MYRIP: variants seen among roughly 807,000 people sequenced by gnomAD.
MYRIP encodes the protein myosin VIIA and Rab interacting protein.
A neutral mutation model predicts 98.0 loss-of-function variants in MYRIP; 49 were observed. That is an observed-to-expected ratio of 0.50 (90% confidence interval 0.40 to 0.63). MYRIP has a LOEUF of 0.63. Among genes scored for constraint, MYRIP ranks in the 30% least tolerant of loss-of-function variants. MYRIP has a pLI of 0.00. For missense variants in MYRIP, 1,004 were observed against 1,058.2 expected, an observed-to-expected ratio of 0.95 and a Z score of 0.71; for synonymous variants, 404 against 409.5, an observed-to-expected ratio of 0.99 and a Z score of 0.16.
rs544576214 is a variant in MYRIP, at chr3:40,162,793, T to C, written c.533T>C (p.Phe178Ser). 19 of 1,614,016 alleles carry C rather than the reference T, an allele frequency of 1.2e-5. No homozygotes were observed. The South Asian group carries it at 2.1e-4, about 18-fold the overall frequency. Reference sequence around the variant, plus strand: ...AGCATTTCTGGCAGTGATTCAACATTTTATAGGCAGTCAGAAGGTAAAGTT... The same window carrying C: ...AGCATTTCTGGCAGTGATTCAACATCTTATAGGCAGTCAGAAGGTAAAGTT... ...EGSISGSDST[F>S]YRQSEGHSVM... Residue 178 changes from phenylalanine to serine, a missense_variant, in exon 5 of 17, where the codon TTT (phenylalanine) becomes TCT (serine). This residue lies in a region of MYRIP where 880 missense variants were observed against 907.7 expected (regional missense o/e 0.97). Coordinates refer to ENST00000302541, the MANE Select transcript of MYRIP (RefSeq NM_015460.4).
At position 40,066,670 on chromosome 3, in the gene MYRIP, A is replaced by G. The variant is rs536367716; in HGVS notation, c.332+22399A>G. Among the ~76,000 whole-genome samples, 10 of 152,314 alleles carry G rather than the reference A, an allele frequency of 6.6e-5. 1 individual carries two copies. The South Asian group carries it at 1.7e-3, about 25-fold the overall frequency. On this transcript the variant is annotated intron_variant, in intron 3 of 16. Coordinates refer to ENST00000302541, the MANE Select transcript of MYRIP (RefSeq NM_015460.4). Reference sequence around the variant, plus strand: ...GAATTGAAATCCTAAAATTTACTCAATGGACTCTTACTACAGAGAAGGTTC... The same window carrying G: ...GAATTGAAATCCTAAAATTTACTCAGTGGACTCTTACTACAGAGAAGGTTC...
intron 2 of MYRIP, among the ~76,000 whole-genome samples, chr3:40,002,814 A>G (rs1303135308): frequency 6.6e-6 from 1 of 152,124 alleles, no homozygotes; most frequent in Non-Finnish European, 1.5e-5. Context: ...TGCTATATCT[A>G]TAGTTTTAGT....
chr3:39,841,735 G>A (rs1941806145), intron 1 of MYRIP, among the ~76,000 whole-genome samples: 1 of 152,170 alleles, frequency 6.6e-6, no homozygotes. Context: ...GTCTGCTGGA[G>A]TTTGCTGGAG....
At position 40,258,245 on chromosome 3, in the gene MYRIP, C is replaced by A. The variant is rs1243726024; in HGVS notation, c.*79C>A. On this transcript the variant is annotated 3_prime_UTR_variant, in exon 17 of 17. Transcript: ENST00000302541. The stretch of plus-strand genomic sequence containing the variant: ...GCCTTGACCCAACAGCCATCGAGTA[C>A]TGTATGTATTTCCACCTGAGGAGAA... 6.5e-7 allele frequency: 1 copy of A among 1,546,478 alleles called. No homozygotes were observed. Among genetic ancestry groups the A allele is most frequent in the African/African-American group, 1.4e-5 (1 of 73,510 alleles).
At chr3:40,243,079 T>C (rs1207546751) in intron 12 of MYRIP, among the ~76,000 whole-genome samples, 2 of 152,118 alleles carry the variant, frequency 1.3e-5, no homozygotes, top group Admixed American at 6.6e-5. Flanking sequence ...CAGCATATAA[T>C]AAAGAAATAT....
chr3:40,044,136 G>T lies in MYRIP; in HGVS notation c.197G>T (p.Arg66Leu). ...CAGTTTGTGGAGCACTGCTGCATGC[G>T]CTGCTGCTCGCCCTTCACCTTCCTC... Reference protein sequence around the residue: ...HQQFVEHCCMRCCSPFTFLVN... With the variant: ...HQQFVEHCCMLCCSPFTFLVN... Residue 66 changes from arginine (R) to leucine (L), a missense_variant, in exon 3 of 17, where the codon CGC becomes CTC. Transcript: ENST00000302541. 6.2e-7 allele frequency: 1 copy of T among 1,614,146 alleles called. No individual in the cohort carries two copies. Among genetic ancestry groups the T allele is most frequent in the Non-Finnish European group, 8.5e-7 (1 of 1,180,020 alleles).
chr3:40,108,212 AGG>A (rs1491225046), intron 3 of MYRIP, among the ~76,000 whole-genome samples: 1 of 134,000 alleles, frequency 7.5e-6, no homozygotes, highest in African/African-American at 2.7e-5. Context: ...AGAGAGAGAG[AGG>A]GTGAGTCGAA....
At chr3:40,091,530 T>G (rs1035009028) in intron 3 of MYRIP, among the ~76,000 whole-genome samples, 6 of 152,224 alleles carry the variant, frequency 3.9e-5, no homozygotes, top group Non-Finnish European at 7.3e-5. Context: ...TAGTAAATAG[T>G]AAATTTAATG....
At chr3:40,072,855 A>C (rs1489639960) in intron 3 of MYRIP, among the ~76,000 whole-genome samples, 1 of 152,154 alleles carries the variant, frequency 6.6e-6, no homozygotes, top group African/African-American at 2.4e-5. Flanking sequence ...TATATTGTGC[A>C]GTTGTTGGAT....
At chr3:40,126,304 G>A (rs1457734434) in intron 3 of MYRIP, among the ~76,000 whole-genome samples, 3 of 152,172 alleles carry the variant, frequency 2.0e-5, no homozygotes, top group African/African-American at 4.8e-5. Flanking sequence ...AGGAGATCCT[G>A]ACGCATATTC....
At chr3:40,180,285 A>C (rs1274968803) in intron 8 of MYRIP, among the ~76,000 whole-genome samples, 5 of 152,238 alleles carry the variant, frequency 3.3e-5, no homozygotes, top group African/African-American at 1.2e-4. Flanking sequence ...GGAAAAAAAA[A>C]ATTAGGCACT....
chr3:40,118,317 G>A (rs1357099346), intron 3 of MYRIP, among the ~76,000 whole-genome samples: 1 of 152,150 alleles, frequency 6.6e-6, no homozygotes, highest in African/African-American at 2.4e-5. Context: ...CCTGCTGCAT[G>A]TATCTTTCAA....
chr3:40,128,090 A>G (rs1197166471), intron 3 of MYRIP, among the ~76,000 whole-genome samples: 1 of 152,176 alleles, frequency 6.6e-6, no homozygotes, highest in Admixed American at 6.5e-5. Flanking sequence ...TCTGTATTCT[A>G]TACTGTTGTG....
intron 5 of MYRIP, among the ~76,000 whole-genome samples, chr3:40,164,336 A>G (rs570415167): frequency 6.6e-6 from 1 of 152,230 alleles, no homozygotes; most frequent in Admixed American, 6.5e-5. Flanking sequence ...GTACATGCAC[A>G]TATATATATT....
chr3:40,033,513 C>A (rs147119768), intron 2 of MYRIP, among the ~76,000 whole-genome samples: 5 of 152,018 alleles, frequency 3.3e-5, no homozygotes, highest in Non-Finnish European at 7.4e-5. Context: ...CAACTAACAA[C>A]GGACGTGAAG....
At chr3:40,228,443 C>T (rs1394224790) in intron 11 of MYRIP, among the ~76,000 whole-genome samples, 1 of 151,976 alleles carries the variant, frequency 6.6e-6, no homozygotes, top group Non-Finnish European at 1.5e-5. Flanking sequence ...AATGATGGGC[C>T]CTAGGCCAGG....
intron 2 of MYRIP, among the ~76,000 whole-genome samples, chr3:39,959,166 C>G (rs1024014024): frequency 2.0e-5 from 3 of 152,070 alleles, no homozygotes; most frequent in African/African-American, 7.2e-5. Flanking sequence ...ACCCAGACAT[C>G]CCATTACTGG....
chr3:40,240,131 G>A (rs1410640589), intron 12 of MYRIP, among the ~76,000 whole-genome samples: 2 of 147,032 alleles, frequency 1.4e-5, no homozygotes, highest in African/African-American at 5.2e-5. Context: ...CATATGGCTA[G>A]CCAGTTTTCC....
chr3:40,193,549 T>C (rs957121355), intron 10 of MYRIP, among the ~76,000 whole-genome samples: 3 of 152,242 alleles, frequency 2.0e-5, no homozygotes, highest in South Asian at 2.1e-4. Context: ...GCAGAGAGTA[T>C]TGTAGCATAA....
Sources: allele counts gnomAD v4.1 joint callset (sites outside exome capture counted in the v4.1 genomes callset), GRCh38; gene constraint gnomAD v4.1.1; regional missense constraint gnomAD v4.1.1; transcripts MANE v1.5; gene names NCBI Gene and HGNC (gene_info 2026-07-23, HGNC 2026-07-21).